PPFIA2: variants seen among roughly 807,000 people sequenced by gnomAD.
The protein encoded by PPFIA2 is liprin-alpha-2.
A neutral mutation model predicts 175.5 loss-of-function variants in PPFIA2; 46 were observed. The observed-to-expected ratio is 0.26, with a 90% CI of 0.21 to 0.34. The LOEUF (loss-of-function observed/expected upper bound fraction) is 0.34. Ranked by LOEUF, PPFIA2 falls within the 10% of genes least tolerant of loss-of-function variation. The probability of loss-of-function intolerance (pLI) is 1.00; values close to 1 mark genes in which losing one functional copy is unlikely to be tolerated. For synonymous variants in PPFIA2, 568 were observed against 511.4 expected (o/e 1.11, Z -1.49); for missense variants, 1,179 against 1,506.1 (o/e 0.78, Z 3.60).
At chr12:81,468,638 A>G (rs1353930755) in intron 4 of PPFIA2, among the ~76,000 whole-genome samples, 1 of 152,222 alleles carries the variant, frequency 6.6e-6, no homozygotes, top group African/African-American at 2.4e-5. Flanking sequence ...ACAAAACAAA[A>G]CAAAACAAAA....
At chr12:81,543,807 G>A (rs912036256) in intron 4 of PPFIA2, among the ~76,000 whole-genome samples, 1 of 152,166 alleles carries the variant, frequency 6.6e-6, no homozygotes, top group Admixed American at 6.6e-5. Flanking sequence ...ATGATGTGAT[G>A]TTAATGGCAC....
chr12:81,417,088 T>C (rs1278578517), intron 7 of PPFIA2, among the ~76,000 whole-genome samples: 1 of 151,810 alleles, frequency 6.6e-6, no homozygotes, highest in African/African-American at 2.4e-5. Flanking sequence ...TTTAAAAAGA[T>C]AAATCTGCCC....
chr12:81,353,271 A>G lies in PPFIA2; in HGVS notation c.1842T>C (p.Phe614=). The change falls in exon 17 of 33, where the codon TTT becomes TTC. Residue 614 remains phenylalanine (F), a synonymous_variant. Coordinates refer to ENST00000549396, the MANE Select transcript of PPFIA2 (RefSeq NM_003625.5). Reference sequence around the variant, plus strand: ...TATCAGACATTTCAGTGTCACTTTCAAAAGGGTGGCTGCTTAGTACTCCAA... The same window carrying G: ...TATCAGACATTTCAGTGTCACTTTCGAAAGGGTGGCTGCTTAGTACTCCAA... ...QQIGVLSSHP[F]ESDTEMSDID... is the part of the protein sequence containing the mutation. 1 of 1,613,758 alleles carries G rather than the reference A, an allele frequency of 6.2e-7. No individual in the cohort carries two copies. The highest frequency in any genetic ancestry group is 8.5e-7 in the Non-Finnish European group (1 of 1,179,780).
chr12:81,416,689 C>T (rs1413041132), intron 7 of PPFIA2, among the ~76,000 whole-genome samples: 1 of 151,668 alleles, frequency 6.6e-6, no homozygotes, highest in Admixed American at 6.6e-5. Flanking sequence ...CACAATCACT[C>T]CCACAGGGCT....
intron 14 of PPFIA2, among the ~76,000 whole-genome samples, chr12:81,363,271 T>A (rs74103997): frequency 0.063 from 9,544 of 151,096 alleles, 389 homozygotes; most frequent in African/African-American, 0.12. Context: ...AGGATTTTTT[T>A]AAAAAATATT....
At chr12:81,426,535 T>C (rs957408672) in intron 7 of PPFIA2, among the ~76,000 whole-genome samples, 2 of 152,182 alleles carry the variant, frequency 1.3e-5, no homozygotes, top group Admixed American at 1.3e-4. Flanking sequence ...CAGGTAATAG[T>C]ATATGGTAAA....
At chr12:81,541,925 G>T (rs1224722388) in intron 4 of PPFIA2, among the ~76,000 whole-genome samples, 2 of 151,860 alleles carry the variant, frequency 1.3e-5, no homozygotes, top group South Asian at 2.1e-4. Context: ...AGACTAGAAT[G>T]ATTGGTATAT....
intron 4 of PPFIA2, among the ~76,000 whole-genome samples, chr12:81,479,694 G>C (rs1019806079): frequency 2.0e-5 from 3 of 152,156 alleles, no homozygotes; most frequent in African/African-American, 7.2e-5. Context: ...AGCTTAGTTT[G>C]ACTGAATATG....
chr12:81,541,198 A>G (rs908805805), intron 4 of PPFIA2, among the ~76,000 whole-genome samples: 1 of 152,144 alleles, frequency 6.6e-6, no homozygotes, highest in African/African-American at 2.4e-5. Context: ...GCTGCTACAC[A>G]GAATCAGTTA....
chr12:81,538,072 T>A (rs973610094), intron 4 of PPFIA2, among the ~76,000 whole-genome samples: 1 of 151,902 alleles, frequency 6.6e-6, no homozygotes, highest in African/African-American at 2.4e-5. Context: ...AATTCTTGGA[T>A]TGAATTGAAT....
At chr12:81,568,660 C>T (rs2071849192) in intron 4 of PPFIA2, among the ~76,000 whole-genome samples, 1 of 152,164 alleles carries the variant, frequency 6.6e-6, no homozygotes, top group African/African-American at 2.4e-5. Flanking sequence ...TGTCTTGTCT[C>T]ATATACAGAA....
At chr12:81,632,071 AT>A (rs1389015339) in intron 4 of PPFIA2, among the ~76,000 whole-genome samples, 3 of 152,188 alleles carry the variant, frequency 2.0e-5, no homozygotes, top group Non-Finnish European at 4.4e-5. Flanking sequence ...AAGGGCAGGT[AT>A]TTTTAAATAT....
In PPFIA2 at chr12:81,483,928, G is replaced by A. The variant is rs1383237994; in HGVS notation, c.304-26062C>T. Among the ~76,000 whole-genome samples, 3 of 150,634 alleles carry A rather than the reference G, an allele frequency of 2.0e-5. No homozygotes were observed. The East Asian group carries it at 5.8e-4, about 29-fold the overall frequency. On this transcript the variant is annotated intron_variant, in intron 4 of 32. Transcript: ENST00000549396. ...CCTTCTCCCCCCTCCCTTTTTTTTG[G>A]GTTTGGTGACCGATAAAAGTAAATT... is the stretch of plus-strand genomic sequence containing the variant.
intron 3 of PPFIA2, among the ~76,000 whole-genome samples, chr12:81,729,264 G>T (rs2153637946): frequency 6.6e-6 from 1 of 151,426 alleles, no homozygotes; most frequent in African/African-American, 2.4e-5. Flanking sequence ...TAAATAATTA[G>T]CACTTAGAAG....
intron 4 of PPFIA2, among the ~76,000 whole-genome samples, chr12:81,526,912 G>T (rs2063795756): frequency 6.6e-6 from 1 of 151,752 alleles, no homozygotes; most frequent in East Asian, 1.9e-4. Flanking sequence ...TCTAGCTGAA[G>T]GTATGACCTA....
chr12:81,725,960 C>T (rs904316683), intron 3 of PPFIA2, among the ~76,000 whole-genome samples: 2 of 150,894 alleles, frequency 1.3e-5, no homozygotes, highest in African/African-American at 4.8e-5. Context: ...CTTTCACTCT[C>T]TTAGGAAACT....
intron 4 of PPFIA2, among the ~76,000 whole-genome samples, chr12:81,660,794 A>C (rs1295324405): frequency 1.3e-5 from 2 of 152,236 alleles, no homozygotes; most frequent in Non-Finnish European, 2.9e-5. Context: ...GTGCAGCCAG[A>C]GAGAAAGGTC....
At chr12:81,438,681 A>T (rs1297588939) in intron 7 of PPFIA2, among the ~76,000 whole-genome samples, 1 of 152,018 alleles carries the variant, frequency 6.6e-6, no homozygotes, top group Non-Finnish European at 1.5e-5. Context: ...CTTATTTTTT[A>T]TTGATCCATA....
At chr12:81,268,601 G>GT (rs2038140956) in intron 28 of PPFIA2, among the ~76,000 whole-genome samples, 1 of 152,194 alleles carries the variant, frequency 6.6e-6, no homozygotes. Context: ...TAAAAAAGTT[G>GT]TTATTTTTCA....
Sources: gnomAD v4.1 joint callset for allele counts (sites outside exome capture counted in the v4.1 genomes callset) on GRCh38, gnomAD v4.1.1 for gene constraint, MANE v1.5 for transcripts, NCBI Gene and HGNC (gene_info 2026-07-23, HGNC 2026-07-21) for gene names.